The following CWF19L2 variants were observed in gnomAD, a reference collection of about 807,000 sequenced individuals.
The protein encoded by CWF19L2 is CWF19-like protein 2.
In CWF19L2, 98 loss-of-function variants were observed where a neutral mutation model predicts 111.7. The observed-to-expected ratio is 0.88, with a 90% CI of 0.75 to 1.04. The LOEUF (loss-of-function observed/expected upper bound fraction) is 1.04. Ranked by LOEUF, CWF19L2 falls within the 50% of genes least tolerant of loss-of-function variation. The probability of loss-of-function intolerance (pLI) is 0.00; values close to 1 mark genes in which losing one functional copy is unlikely to be tolerated. For synonymous variants in CWF19L2, 351 were observed against 342.9 expected (o/e 1.02, Z -0.26); for missense variants, 1,101 against 1,051.4 (o/e 1.05, Z -0.65).
intron 10 of CWF19L2, among the ~76,000 whole-genome samples, chr11:107,404,850 A>T (rs142218264): frequency 6.6e-6 from 1 of 152,164 alleles, no homozygotes; most frequent in Admixed American, 6.5e-5. Context: ...TTCCTCTTCT[A>T]CTCACTTCTC....
At chr11:107,354,308 C>T (rs1860203517) in intron 12 of CWF19L2, among the ~76,000 whole-genome samples, 1 of 152,098 alleles carries the variant, frequency 6.6e-6, no homozygotes, top group Non-Finnish European at 1.5e-5. Context: ...ATCATACATA[C>T]ATAAAGTCAT....
intron 10 of CWF19L2, chr11:107,404,144 C>T: frequency 1.3e-6 from 1 of 775,772 alleles, no homozygotes; most frequent in African/African-American, 1.7e-5. Context: ...TCTAAAGCAG[C>T]TTCTGCACGA....
chr11:107,387,097 C>A (rs1357016806), intron 12 of CWF19L2, among the ~76,000 whole-genome samples: 2 of 151,862 alleles, frequency 1.3e-5, no homozygotes, highest in Admixed American at 6.6e-5. Flanking sequence ...ATGGGAGAAC[C>A]AGCATCTACC....
chr11:107,367,207 G>T (rs1860443141), intron 12 of CWF19L2, among the ~76,000 whole-genome samples: 1 of 129,688 alleles, frequency 7.7e-6, no homozygotes, highest in Admixed American at 7.7e-5. Flanking sequence ...GGAGAAATAG[G>T]AACACTTTTA....
chr11:107,423,134 T>C (rs1403185973), intron 8 of CWF19L2, among the ~76,000 whole-genome samples: 1 of 151,984 alleles, frequency 6.6e-6, no homozygotes, highest in Admixed American at 6.6e-5. Flanking sequence ...TACTTTTTTG[T>C]ATGGAAAATA....
chr11:107,457,694 G>A lies in CWF19L2; in HGVS notation c.105+18C>T. On this transcript the variant is annotated intron_variant, in intron 1 of 17. Transcript: ENST00000282251. ...CCCACAACAATAAATAACTACAAAAGCCCCAAAACAGAGGTACCTGGCGCA... is the reference window on the plus strand; with the variant it reads ...CCCACAACAATAAATAACTACAAAAACCCCAAAACAGAGGTACCTGGCGCA... 2.0e-6 allele frequency: 3 copies of A among 1,534,050 alleles called. No homozygotes were observed. The South Asian group carries it at 3.6e-5, about 18-fold the overall frequency.
chr11:107,330,219 C>A (rs1341116187), intron 16 of CWF19L2, among the ~76,000 whole-genome samples, 200 bp from the exon 17 acceptor site: 2 of 152,104 alleles, frequency 1.3e-5, no homozygotes, highest in Non-Finnish European at 2.9e-5. Flanking sequence ...GCCTTTCAGC[C>A]AGATAGTTCA....
At chr11:107,328,304 GT>G (rs1859793331) in intron 17 of CWF19L2, among the ~76,000 whole-genome samples, 1 of 152,112 alleles carries the variant, frequency 6.6e-6, no homozygotes, top group South Asian at 2.1e-4. Flanking sequence ...CTCAGCATCG[GT>G]CCAAATAAGC....
chr11:107,390,160 TATC>T lies in CWF19L2; in HGVS notation c.1783_1785del (p.Asp595del). ...TTGACTAAATCATTTAGGCTTAGAT[TATC>T]ATCATCATGAAAGTATCTGACCCTT... On this transcript the variant is annotated inframe_deletion, in exon 12 of 18. Transcript: ENST00000282251. 1.9e-6 allele frequency: 3 copies of T among 1,611,750 alleles called. No individual in the cohort carries two copies. In the African/African-American group the frequency reaches 4.0e-5, roughly 21 times the overall value.
intron 12 of CWF19L2, among the ~76,000 whole-genome samples, chr11:107,361,883 G>A (rs1001266843): frequency 1.2e-4 from 19 of 152,098 alleles, no homozygotes; most frequent in Admixed American, 9.8e-4. Context: ...CGCAGAAGAC[G>A]GGTGATTTGT....
At position 107,416,280 on chromosome 11, in the gene CWF19L2, T is replaced by C; in HGVS notation, c.1546A>G (p.Lys516Glu). 6.8e-7 allele frequency: 1 copy of C among 1,469,588 alleles called. No homozygotes were observed. The highest frequency in any genetic ancestry group is 9.1e-7 in the Non-Finnish European group (1 of 1,095,402). The allele number at this position is 1,469,588 out of a possible 1,614,324, so 91.0% of individuals were successfully genotyped here. ...TTATTTGCCTTTTCAAGTTGAACTT[T>C]AAGTTGTTCAGCTAATTCCTTCAAA... ...MGNMELAEQL[K>E]VQLEKANKFK... Residue 516 changes from lysine (K) to glutamate (E), a missense_variant, in exon 10 of 18, where the codon AAA becomes GAA. Physicochemically the swap from Lys to Glu is moderately conservative, Grantham distance 56. Coordinates refer to ENST00000282251, the MANE Select transcript of CWF19L2 (RefSeq NM_152434.3).
intron 2 of CWF19L2, among the ~76,000 whole-genome samples, chr11:107,454,815 T>G (rs777646615): frequency 3.9e-5 from 6 of 152,216 alleles, no homozygotes; most frequent in Non-Finnish European, 8.8e-5. Flanking sequence ...GGGAAAATTT[T>G]GGCTTTATTT....
intron 12 of CWF19L2, among the ~76,000 whole-genome samples, chr11:107,381,303 C>A (rs1174293452): frequency 6.6e-6 from 1 of 152,102 alleles, no homozygotes; most frequent in African/African-American, 2.4e-5. Flanking sequence ...TAAATAAATT[C>A]TTCTTATGAT....
At chr11:107,442,872 G>GGGAA (rs1435173545) in intron 4 of CWF19L2, 67 bp downstream of exon 4, 1 of 863,168 alleles carries the variant, frequency 1.2e-6, no homozygotes, top group East Asian at 2.8e-5. Flanking sequence ...GAGGGAAGGA[G>GGGAA]GGAGGGAGGG....
intron 10 of CWF19L2, 68 bp from the exon 11 acceptor site, chr11:107,392,963 CA>C (rs1240036711): frequency 2.2e-5 from 22 of 990,670 alleles, no homozygotes; most frequent in African/African-American, 6.9e-5. Context: ...TATTTAATAA[CA>C]AAAAAAGCAT....
At chr11:107,401,539 C>T (rs781680527) in intron 10 of CWF19L2, among the ~76,000 whole-genome samples, 1 of 151,952 alleles carries the variant, frequency 6.6e-6, no homozygotes, top group Admixed American at 6.6e-5. Flanking sequence ...GTCAAAAGGC[C>T]TCTACAAGGA....
At chr11:107,364,308 C>T (rs1860404133) in intron 12 of CWF19L2, among the ~76,000 whole-genome samples, 1 of 145,816 alleles carries the variant, frequency 6.9e-6, no homozygotes, top group African/African-American at 2.6e-5. Flanking sequence ...GAACTCAGCT[C>T]TGCCTCAAGC....
chr11:107,351,107 TAGAG>T (rs10607914), intron 13 of CWF19L2, among the ~76,000 whole-genome samples: 23,786 of 152,136 alleles, frequency 0.16, 2,123 homozygotes, highest in Middle Eastern at 0.27. Flanking sequence ...TGCTACTGTA[TAGAG>T]AAAGGGCAAA....
intron 3 of CWF19L2, among the ~76,000 whole-genome samples, chr11:107,448,516 A>G (rs1332172651): frequency 5.4e-5 from 8 of 148,768 alleles, no homozygotes; most frequent in Non-Finnish European, 1.0e-4. Flanking sequence ...GAGGGAACAG[A>G]AAAAAAAAAT....
Sources: allele counts gnomAD v4.1 joint callset (sites outside exome capture counted in the v4.1 genomes callset), GRCh38; gene constraint gnomAD v4.1.1; transcripts MANE v1.5; gene names NCBI Gene and HGNC (gene_info 2026-07-23, HGNC 2026-07-21).